FAM174B: variants seen among roughly 807,000 people sequenced by gnomAD.
FAM174B encodes family with sequence similarity 174 member B.
Under a neutral mutation model 10.9 loss-of-function variants are expected in FAM174B, and 12 were observed. That is an observed-to-expected ratio of 1.10 (90% CI 0.71 to 1.79). The LOEUF (loss-of-function observed/expected upper bound fraction) is 1.79. Ranked by LOEUF, FAM174B falls within the 40% of genes most tolerant of loss-of-function variation. The probability of loss-of-function intolerance (pLI) is 0.00; values close to 1 mark genes in which losing one functional copy is unlikely to be tolerated. For synonymous variants in FAM174B, 132 were observed against 115.8 expected, an observed-to-expected ratio of 1.14 and a Z score of -0.90; for missense variants, 266 against 233.3, an observed-to-expected ratio of 1.14 and a Z score of -0.91.
At chr15:92,630,811 T>TACGTGTTACATATTACATATTATATA in intron 1 of FAM174B, among the ~76,000 whole-genome samples, 3 of 29,984 alleles carry the variant, frequency 1.0e-4, no homozygotes, top group Admixed American at 3.8e-4. Flanking sequence ...TTATATATAT[T>TACGTGTTACATATTACATATTATATA]TTATATATTA....
intron 1 of FAM174B, among the ~76,000 whole-genome samples, chr15:92,631,021 A>G (rs867584878): frequency 6.6e-5 from 1 of 15,150 alleles, no homozygotes. Flanking sequence ...TATATATTAT[A>G]TATTACGTAT....
intron 1 of FAM174B, among the ~76,000 whole-genome samples, chr15:92,630,798 ATAT>A (rs1567044639): frequency 1.5e-5 from 1 of 67,212 alleles, no homozygotes; most frequent in East Asian, 3.3e-4. Context: ...TACATATTAC[ATAT>A]TATATATATT....
chr15:92,634,940 G>A (rs1567046531), intron 1 of FAM174B, among the ~76,000 whole-genome samples: 1 of 152,172 alleles, frequency 6.6e-6, no homozygotes, highest in Non-Finnish European at 1.5e-5. Context: ...CCTGCCTTGG[G>A]ACTCAAACTA....
chr15:92,655,368 CCACGAT>C lies in FAM174B; in HGVS notation c.286_291del (p.Ile96_Val97del). On this transcript the variant is annotated inframe_deletion, in exon 1 of 3. Coordinates refer to ENST00000327355, the MANE Select transcript of FAM174B (RefSeq NM_207446.3). The stretch of plus-strand genomic sequence containing the variant: ...ATGAGGAGGGTGGTAAAGGCGAACG[CCACGAT>C]CACGGCTGCCTTGAGGGTGGGTAGG... 6.3e-7 allele frequency: 1 copy of C among 1,591,224 alleles called. No homozygotes were observed. Among genetic ancestry groups the C allele is most frequent in the East Asian group, 2.4e-5 (1 of 41,512 alleles).
intron 1 of FAM174B, among the ~76,000 whole-genome samples, chr15:92,631,098 G>A (rs1460569609): frequency 8.4e-5 from 4 of 47,646 alleles, no homozygotes; most frequent in Admixed American, 8.1e-4. Context: ...TATATATTAC[G>A]TATTACATAT....
chr15:92,644,955 TTAG>T (rs2050916378), intron 1 of FAM174B, among the ~76,000 whole-genome samples: 1 of 152,226 alleles, frequency 6.6e-6, no homozygotes, highest in African/African-American at 2.4e-5. Flanking sequence ...CTCAACTATC[TTAG>T]TTTTTAAAAC....
chr15:92,642,566 A>G (rs1410741956), intron 1 of FAM174B, among the ~76,000 whole-genome samples: 1 of 152,156 alleles, frequency 6.6e-6, no homozygotes, highest in Non-Finnish European at 1.5e-5. Flanking sequence ...AGTTCTCACA[A>G]GATTTGATGG....
chr15:92,639,665 G>A (rs777337166), intron 1 of FAM174B, among the ~76,000 whole-genome samples: 21 of 152,278 alleles, frequency 1.4e-4, no homozygotes, highest in East Asian at 1.9e-4. Context: ...CTTCATGAAC[G>A]GTTTGGCACC....
chr15:92,644,360 G>A (rs371604113), intron 1 of FAM174B, among the ~76,000 whole-genome samples: 3 of 152,048 alleles, frequency 2.0e-5, no homozygotes, highest in East Asian at 1.9e-4. Context: ...GGCAAACACC[G>A]GTGTGATAGA....
chr15:92,625,261 C>A (rs1053964142), intron 2 of FAM174B, among the ~76,000 whole-genome samples: 5 of 151,966 alleles, frequency 3.3e-5, no homozygotes, highest in African/African-American at 1.2e-4. Context: ...GAAAAAAAAG[C>A]CTGTCTGATA....
chr15:92,655,294 G>T, intron 1 of FAM174B, 22 bp downstream of exon 1: 2 of 1,518,610 alleles, frequency 1.3e-6, no homozygotes, highest in Non-Finnish European at 1.8e-6. Context: ...GGCGGGGGAA[G>T]GAAGAGGGCG....
intron 1 of FAM174B, among the ~76,000 whole-genome samples, chr15:92,637,204 G>C (rs1312201486): frequency 1.3e-5 from 2 of 152,228 alleles, no homozygotes; most frequent in Non-Finnish European, 2.9e-5. Context: ...CGACCAACCC[G>C]AGCCAATGAC....
At chr15:92,626,366 G>A (rs971527847) in intron 2 of FAM174B, among the ~76,000 whole-genome samples, 5 of 151,870 alleles carry the variant, frequency 3.3e-5, no homozygotes, top group African/African-American at 1.2e-4. Context: ...CCAAAGTGCT[G>A]GATTATAGGC....
intron 1 of FAM174B, among the ~76,000 whole-genome samples, chr15:92,639,948 C>A (rs1414006964): frequency 6.6e-6 from 1 of 152,148 alleles, no homozygotes; most frequent in African/African-American, 2.4e-5. Flanking sequence ...CAGACTAATA[C>A]ACAGTGGCAT....
intron 1 of FAM174B, among the ~76,000 whole-genome samples, chr15:92,654,171 A>G (rs1355055555): frequency 6.6e-6 from 1 of 152,206 alleles, no homozygotes; most frequent in African/African-American, 2.4e-5. Flanking sequence ...AGTCACACAC[A>G]ACTGACAGCA....
intron 1 of FAM174B, among the ~76,000 whole-genome samples, chr15:92,647,407 A>C (rs893881579): frequency 2.0e-5 from 3 of 152,156 alleles, no homozygotes; most frequent in African/African-American, 7.2e-5. Context: ...CTTATCTGCC[A>C]AGTAGAATCA....
intron 1 of FAM174B, among the ~76,000 whole-genome samples, chr15:92,645,986 C>G (rs981311036): frequency 1.3e-5 from 2 of 152,202 alleles, no homozygotes; most frequent in Admixed American, 1.3e-4. Context: ...CCTCACCAAA[C>G]CTATCCCTTT....
chr15:92,639,696 A>G (rs1020984110), intron 1 of FAM174B, among the ~76,000 whole-genome samples: 6 of 152,068 alleles, frequency 3.9e-5, no homozygotes, highest in Admixed American at 3.9e-4. Flanking sequence ...CGCTGTTCTT[A>G]TGATAGTGAG....
chr15:92,640,551 C>CAAAAA (rs60865026), intron 1 of FAM174B, among the ~76,000 whole-genome samples: 3 of 67,722 alleles, frequency 4.4e-5, no homozygotes, highest in African/African-American at 1.1e-4. Flanking sequence ...GACTCCATCT[C>CAAAAA]AAAAAAAAAA....
Sources: allele counts gnomAD v4.1 joint callset (sites outside exome capture counted in the v4.1 genomes callset), GRCh38; gene constraint gnomAD v4.1.1; transcripts MANE v1.5; gene names NCBI Gene and HGNC (gene_info 2026-07-23, HGNC 2026-07-21).